Variants in LHX9 observed in about 807,000 individuals in gnomAD.
LHX9 encodes the protein LIM homeobox 9, also known as LIM/homeobox protein Lhx9.
LHX9 carries 9 observed loss-of-function variants against 36.5 expected under a neutral mutation model. The observed-to-expected ratio is 0.25, with a 90% CI of 0.15 to 0.43. The LOEUF (loss-of-function observed/expected upper bound fraction) is 0.43, where lower values mean the gene tolerates loss of function less well. Ranked by LOEUF, LHX9 falls within the 20% of genes least tolerant of loss-of-function variation. LHX9 has a pLI of 1.00. For missense variants in LHX9, 464 were observed against 526.4 expected, an observed-to-expected ratio of 0.88 and a Z score of 1.16; for synonymous variants, 211 against 212.1, an observed-to-expected ratio of 0.99 and a Z score of 0.04.
chr1:197,929,189 C>T lies in LHX9; in HGVS notation c.1124C>T (p.Ser375Phe). 6.2e-7 allele frequency: 1 copy of T among 1,604,542 alleles called. No homozygotes were observed. Among genetic ancestry groups the T allele is most frequent in the Non-Finnish European group, 8.5e-7 (1 of 1,175,890 alleles). The change falls in exon 5 of 5, where the codon TCC becomes TTC. Residue 375 changes from serine (S) to phenylalanine (F), a missense_variant. By Grantham distance (155) the Ser-to-Phe change is radical. This residue lies in a region of LHX9 where 102 missense variants were observed against 97.0 expected (regional missense o/e 1.05). Coordinates refer to ENST00000367387, the MANE Select transcript of LHX9 (RefSeq NM_020204.3). ...AATCCCACTATCACTGTAGTGACAT[C>T]CGTGACCTCTAACATGGACAGCCAC... ...LTNPTITVVT[S>F]VTSNMDSHES...
intron 1 of LHX9, among the ~76,000 whole-genome samples, chr1:197,919,660 C>T (rs1659904349): frequency 6.6e-6 from 1 of 152,140 alleles, no homozygotes; most frequent in Admixed American, 6.5e-5. Flanking sequence ...TATTTGAATT[C>T]GGAAACGATC....
upstream of LHX9, chr1:197,912,604 G>A (rs757519705): frequency 6.3e-7 from 1 of 1,595,742 alleles, no homozygotes; most frequent in East Asian, 2.2e-5. Context: ...TGCCCCTTGG[G>A]CCAGTGCGTA....
chr1:197,928,929 A>G, intron 4 of LHX9, 73 bp from the exon 5 acceptor site: 2 of 1,414,378 alleles, frequency 1.4e-6, no homozygotes. Context: ...AGAAAAAAAG[A>G]AAAAGTGAGA....
At position 197,917,767 on chromosome 1, in the gene LHX9, C is replaced by T. The variant is rs1659817742; in HGVS notation, c.-57C>T. ...GTCTCTGCGCTCCTACAGGGCAGCC[C>T]TCTCTGGTCCCTTGCCTCCTTCACT... On this transcript the variant is annotated 5_prime_UTR_variant, in exon 1 of 5. Transcript: ENST00000367387. The T allele has an allele frequency of 6.2e-7, 1 of 1,613,198 alleles. No individual in the cohort carries two copies. Among genetic ancestry groups the T allele is most frequent in the South Asian group, 1.1e-5 (1 of 90,950 alleles).
chr1:197,912,625 G>A (rs1659653185), upstream of LHX9: 2 of 1,398,300 alleles, frequency 1.4e-6, no homozygotes, highest in African/African-American at 1.4e-5. Context: ...TACCATGTGA[G>A]TGTGTGTGCG....
rs1660317485 is a variant in LHX9, at chr1:197,931,179, T to G, written c.*1920T>G. ...TAAGCCCTTTTAACACCTCACTAGT[T>G]TTGTACTGTTTTACCTCTTATTTCT... On this transcript the variant is annotated 3_prime_UTR_variant, in exon 5 of 5. Coordinates refer to ENST00000367387, the MANE Select transcript of LHX9 (RefSeq NM_020204.3). 6.6e-6 allele frequency: 1 copy of G among 152,038 alleles called. No homozygotes were observed. Among genetic ancestry groups the G allele is most frequent in the African/African-American group, 2.4e-5 (1 of 41,462 alleles). 9.4% of individuals were successfully genotyped at this position (152,038 alleles called of 1,614,324 possible).
upstream of LHX9, chr1:197,917,241 G>A: frequency 8.3e-7 from 1 of 1,205,910 alleles, no homozygotes; most frequent in South Asian, 1.6e-5. Flanking sequence ...GGGGTTGAGA[G>A]GAGTATGACA....
chr1:197,923,270 C>T (rs188035653), intron 3 of LHX9, among the ~76,000 whole-genome samples: 12 of 152,342 alleles, frequency 7.9e-5, no homozygotes, highest in Admixed American at 4.6e-4. Flanking sequence ...GTGAGGGCAG[C>T]GGGCGAAGCC....
chr1:197,916,545 C>A (rs1305099434), upstream of LHX9: 3 of 632,220 alleles, frequency 4.7e-6, no homozygotes. Context: ...TTCCTTCAAA[C>A]CTGAACCGGG....
upstream of LHX9, chr1:197,917,112 GTGT>G: frequency 5.0e-6 from 1 of 201,162 alleles, no homozygotes; most frequent in Non-Finnish European, 8.6e-6. Flanking sequence ...GTGTGTGTGT[GTGT>G]GCGCGCGCGC....
chr1:197,917,858 C>A lies in LHX9; in HGVS notation c.35C>A (p.Ser12Ter), dbSNP rs776130760. 22 of 1,614,116 alleles carry A rather than the reference C, an allele frequency of 1.4e-5. No homozygotes were observed. Among genetic ancestry groups the A allele is most frequent in the Non-Finnish European group, 1.6e-5 (19 of 1,180,056 alleles). Residue 12 changes from serine to a stop codon, truncating the protein, a stop_gained, in exon 1 of 5, where the codon TCG (serine) becomes TAG (stop). Coordinates refer to ENST00000367387, the MANE Select transcript of LHX9 (RefSeq NM_020204.3). LOFTEE classifies it high-confidence loss of function. ...GTGGGGTGCCGAGCAGAAGACAACT[C>A]GTGTCCTTTCCGCCCCCCAGCCATG... Reference protein sequence around the residue: ...EIVGCRAEDNSCPFRPPAMLF... With the variant: ...EIVGCRAEDN
chr1:197,921,423 A>G lies in LHX9; in HGVS notation c.497A>G (p.Lys166Arg), dbSNP rs763934424. The G allele has an allele frequency of 6.2e-7, 1 of 1,614,130 alleles. No individual in the cohort carries two copies. The highest frequency in any genetic ancestry group is 1.7e-5 in the Admixed American group (1 of 60,020). Residue 166 changes from lysine (K) to arginine (R), a missense_variant, in exon 3 of 5, where the codon AAG (lysine) becomes AGG (arginine). By Grantham distance (26) the Lys-to-Arg change is conservative. Transcript: ENST00000367387. The surrounding 1 kb of genome is among the most constrained non-coding windows in gnomAD (Gnocchi z 4.6). ...TGCTTCACCTGCTCCACTTGCAACAAGACTCTGACCACGGGCGACCATTTC... is the reference window on the plus strand; with the variant it reads ...TGCTTCACCTGCTCCACTTGCAACAGGACTCTGACCACGGGCGACCATTTC... ...LSCFTCSTCN[K>R]TLTTGDHFGM...
At chr1:197,923,622 G>A (rs1381031865) in intron 3 of LHX9, among the ~76,000 whole-genome samples, 1 of 152,104 alleles carries the variant, frequency 6.6e-6, no homozygotes, top group Non-Finnish European at 1.5e-5. Flanking sequence ...TAGCCAAATA[G>A]TAGGCAAGCC....
In LHX9 at chr1:197,931,719, T is replaced by C. The variant is rs1457391971; in HGVS notation, c.*2460T>C. The C allele has an allele frequency of 2.5e-5, 12 of 471,070 alleles. No homozygotes were observed. Among genetic ancestry groups the C allele is most frequent in the East Asian group, 2.4e-4 (8 of 32,848 alleles). The allele number at this position is 471,070 out of a possible 1,614,324, so 29.2% of individuals were successfully genotyped here. The stretch of plus-strand genomic sequence containing the variant: ...ATAACAAAAGTAATGCCCCACTGAT[T>C]TGACTCAGTCCAATTTTTAGAATAA... On this transcript the variant is annotated 3_prime_UTR_variant, in exon 5 of 5. Coordinates refer to ENST00000367387, the MANE Select transcript of LHX9 (RefSeq NM_020204.3).
In LHX9 at chr1:197,924,010, A is replaced by G. The variant is rs118134794; in HGVS notation, c.733+2351A>G. On this transcript the variant is annotated intron_variant, in intron 3 of 4. Transcript: ENST00000367387. ...TTTCCCAGAGATACTATTCAATAGTATATATATTTTAAAGATCAGGTTAAA... is the reference window on the plus strand; with the variant it reads ...TTTCCCAGAGATACTATTCAATAGTGTATATATTTTAAAGATCAGGTTAAA... Among the ~76,000 whole-genome samples the G allele has an allele frequency of 1.2e-3, 177 of 152,300 alleles. 1 individual carries two copies. The East Asian group carries it at 0.031, about 27-fold the overall frequency.
upstream of LHX9, among the ~76,000 whole-genome samples, chr1:197,914,849 T>C (rs1659704639): frequency 6.6e-6 from 1 of 152,198 alleles, no homozygotes; most frequent in Admixed American, 6.5e-5. Flanking sequence ...CTGAGTTTTA[T>C]AAGAGCAGGA....
At chr1:197,917,129 C>A, upstream of LHX9, 1 of 364,426 alleles carries the variant, frequency 2.7e-6, no homozygotes, top group Non-Finnish European at 3.8e-6. Context: ...CGCGCGCGCG[C>A]GTGTGTGTGT....
chr1:197,932,076 CA>C lies in LHX9; in HGVS notation c.*2826del, dbSNP rs34018572. On this transcript the variant is annotated 3_prime_UTR_variant, in exon 5 of 5. Transcript: ENST00000367387. ...TCATACATTAAAAAATTTATTAAGCCAAAAAAAAAGAGAGAGAGAGAGACTT... is the reference window on the plus strand; with the variant it reads ...TCATACATTAAAAAATTTATTAAGCCAAAAAAAAGAGAGAGAGAGAGACTT... The C allele has an allele frequency of 1.2e-3, 823 of 687,498 alleles. No individual in the cohort carries two copies. The highest frequency in any genetic ancestry group is 2.4e-3 in the South Asian group (95 of 40,396). 42.6% of individuals were successfully genotyped at this position (687,498 alleles called of 1,614,324 possible). A position where few individuals can be genotyped will look rare whatever the true frequency, so the allele number is the denominator to read the frequency against.
At chr1:197,918,100 A>C in intron 1 of LHX9, 103 bp downstream of exon 1, 1 of 1,301,504 alleles carries the variant, frequency 7.7e-7, no homozygotes, top group Non-Finnish European at 1.1e-6. Context: ...CGGGTCGTAG[A>C]GACGTCCGCT....
Sources: allele counts gnomAD v4.1 joint callset (sites outside exome capture counted in the v4.1 genomes callset), GRCh38; gene constraint gnomAD v4.1.1; regional missense constraint gnomAD v4.1.1; non-coding constraint Gnocchi (gnomAD v3.1); transcripts MANE v1.5; gene names NCBI Gene and HGNC (gene_info 2026-07-23, HGNC 2026-07-21).